Variants in RUNX1 observed in about 807,000 individuals in gnomAD.
RUNX1 encodes the protein runt-related transcription factor 1.
RUNX1 carries 19 observed loss-of-function variants against 42.8 expected under a neutral mutation model. That is an observed-to-expected ratio of 0.44 (90% confidence interval 0.31 to 0.65). The LOEUF (loss-of-function observed/expected upper bound fraction) is 0.65. Among genes scored for constraint, RUNX1 ranks in the 30% least tolerant of loss-of-function variants. The pLI, the probability that RUNX1 is intolerant of heterozygous loss-of-function variation, is 0.07. For synonymous variants in RUNX1, 271 were observed against 289.4 expected, an observed-to-expected ratio of 0.94 and a Z score of 0.64; for missense variants, 528 against 672.0, an observed-to-expected ratio of 0.79 and a Z score of 2.37.
intron 2 of RUNX1, among the ~76,000 whole-genome samples, chr21:35,046,492 A>T (rs1405065154): frequency 6.6e-6 from 1 of 152,222 alleles, no homozygotes; most frequent in Non-Finnish European, 1.5e-5. Context: ...AGGCAGCCAG[A>T]AGTGACCGCA....
rs77730926 is a variant in RUNX1 at position 34,947,935 on chromosome 21, G to C, written c.59-54972C>G. Among the ~76,000 whole-genome samples the C allele has an allele frequency of 3.6e-3, 551 of 152,178 alleles. 1 individual carries two copies. The highest frequency in any genetic ancestry group is 0.013 in the African/African-American group (535 of 41,502). On this transcript the variant is annotated intron_variant, in intron 2 of 8. Coordinates refer to ENST00000675419, the MANE Select transcript of RUNX1 (RefSeq NM_001754.5). ...TGCAGGCCTCTGAGTTCAGTCCTCCGAGGACATTTCACCTTCTTTGCTCTC... is the reference window on the plus strand; with the variant it reads ...TGCAGGCCTCTGAGTTCAGTCCTCCCAGGACATTTCACCTTCTTTGCTCTC...
intron 2 of RUNX1, among the ~76,000 whole-genome samples, chr21:34,980,815 G>A (rs145581542): frequency 2.2e-4 from 33 of 152,214 alleles, no homozygotes; most frequent in Non-Finnish European, 3.7e-4. Flanking sequence ...AAACTTACAT[G>A]GAAAAATGGA....
intron 2 of RUNX1, among the ~76,000 whole-genome samples, chr21:34,996,819 G>A (rs1346645731): frequency 6.6e-6 from 1 of 151,982 alleles, no homozygotes; most frequent in Non-Finnish European, 1.5e-5. Context: ...TTTACACTGT[G>A]AGGCCAAGAT....
intron 2 of RUNX1, among the ~76,000 whole-genome samples, chr21:34,972,056 CA>C (rs1431621842): frequency 1.3e-5 from 2 of 151,980 alleles, no homozygotes; most frequent in Non-Finnish European, 2.9e-5. Flanking sequence ...TTCAAGTTTA[CA>C]TGGCATTTTT....
intron 5 of RUNX1, among the ~76,000 whole-genome samples, chr21:34,864,780 T>C (rs945319153): frequency 1.2e-4 from 18 of 152,046 alleles, no homozygotes; most frequent in African/African-American, 4.3e-4. Context: ...TAGAAGACCA[T>C]TAGAAGCACC....
intron 2 of RUNX1, among the ~76,000 whole-genome samples, chr21:34,997,318 G>C (rs540916610): frequency 6.6e-6 from 1 of 152,250 alleles, no homozygotes; most frequent in South Asian, 2.1e-4. Flanking sequence ...TTTTCAAACT[G>C]AGTGCCTCAA....
rs570982900 is a variant in RUNX1, at chr21:34,794,154, TTAC to T, written c.968-1547_968-1545del. 1.0e-3 allele frequency among the ~76,000 whole-genome samples: 154 copies of T among 152,210 alleles called. 1 individual carries two copies. Among genetic ancestry groups the T allele is most frequent in the African/African-American group, 3.3e-3 (139 of 41,524 alleles). ...CTAATGTAAAGGATGCACAAATATG[TTAC>T]TACTAACACAATATGTTATACATAA... On this transcript the variant is annotated intron_variant, in intron 8 of 8. Transcript: ENST00000675419.
intron 3 of RUNX1, among the ~76,000 whole-genome samples, chr21:34,889,157 T>C (rs2058043945): frequency 6.8e-6 from 1 of 147,260 alleles, no homozygotes; most frequent in African/African-American, 2.5e-5. Flanking sequence ...CGAACCGGGC[T>C]GCAGCCCGCG....
At chr21:34,818,841 C>T (rs960036852) in intron 7 of RUNX1, among the ~76,000 whole-genome samples, 1 of 152,224 alleles carries the variant, frequency 6.6e-6, no homozygotes, top group Non-Finnish European at 1.5e-5. Context: ...GGTGGAGCAG[C>T]GTGCAGAGGC....
At chr21:34,797,377 C>A (rs1043295805) in intron 8 of RUNX1, among the ~76,000 whole-genome samples, 3 of 152,192 alleles carry the variant, frequency 2.0e-5, no homozygotes, top group African/African-American at 7.2e-5. Context: ...TTACTCATTC[C>A]TTTTATTTAA....
intron 6 of RUNX1, among the ~76,000 whole-genome samples, chr21:34,842,092 T>C (rs968076953): frequency 1.6e-4 from 25 of 152,194 alleles, no homozygotes; most frequent in African/African-American, 6.0e-4. Flanking sequence ...AGAAATCATT[T>C]CAGGTGAAGG....
At chr21:35,048,598 G>A (rs1329332295) in intron 2 of RUNX1, among the ~76,000 whole-genome samples, 4 of 152,174 alleles carry the variant, frequency 2.6e-5, no homozygotes, top group East Asian at 3.8e-4. Flanking sequence ...AAGTTCTCAC[G>A]CACCGACTGA....
intron 2 of RUNX1, among the ~76,000 whole-genome samples, chr21:35,045,449 T>C (rs770233871): frequency 3.9e-5 from 6 of 152,124 alleles, no homozygotes; most frequent in Non-Finnish European, 7.3e-5. Flanking sequence ...TATTTGGACA[T>C]AGGGTTTTAA....
At position 34,804,552 on chromosome 21, in the gene RUNX1, A is replaced by G. The variant is rs376677471; in HGVS notation, c.806-5090T>C. Among the ~76,000 whole-genome samples the G allele has an allele frequency of 7.9e-5, 12 of 152,296 alleles. 1 individual carries two copies. The East Asian group carries it at 1.3e-3, about 17-fold the overall frequency. On this transcript the variant is annotated intron_variant, in intron 7 of 8. Coordinates refer to ENST00000675419, the MANE Select transcript of RUNX1 (RefSeq NM_001754.5). ...AATCATGTTAAACTTTCAATAAAAA[A>G]TTACAAGAAAGGCAAGAAAAAAACA...
intron 8 of RUNX1, among the ~76,000 whole-genome samples, chr21:34,795,144 A>T (rs2056507424): frequency 6.6e-6 from 1 of 152,230 alleles, no homozygotes; most frequent in Non-Finnish European, 1.5e-5. Context: ...AATAACTCTT[A>T]AGCTCAGATG....
chr21:34,891,156 G>T (rs985489241), intron 3 of RUNX1, among the ~76,000 whole-genome samples: 12 of 152,238 alleles, frequency 7.9e-5, no homozygotes, highest in Non-Finnish European at 1.3e-4. Context: ...TCCCAGGAGG[G>T]AGTCAAGTTC....
intron 5 of RUNX1, among the ~76,000 whole-genome samples, chr21:34,877,274 T>A (rs952723928): frequency 3.3e-5 from 5 of 152,222 alleles, no homozygotes; most frequent in Admixed American, 1.3e-4. Context: ...TAAACTGATA[T>A]AAGCTGCTCA....
rs562705699 is a variant in RUNX1 at position 34,936,272 on chromosome 21, C to CT, written c.59-43310dup. On this transcript the variant is annotated intron_variant, in intron 2 of 8. Coordinates refer to ENST00000675419, the MANE Select transcript of RUNX1 (RefSeq NM_001754.5). ...TAACTACTTAGAATTCAGCCCCCCTCTTTTTTAAAAAAAAATAGCACTCTG... is the reference window on the plus strand; with the variant it reads ...TAACTACTTAGAATTCAGCCCCCCTCTTTTTTTAAAAAAAAATAGCACTCTG... 4.1e-5 allele frequency among the ~76,000 whole-genome samples: 6 copies of CT among 147,390 alleles called. No homozygotes were observed. The South Asian group carries it at 6.3e-4, about 16-fold the overall frequency.
At chr21:34,935,176 T>C (rs2058476050) in intron 2 of RUNX1, among the ~76,000 whole-genome samples, 1 of 152,204 alleles carries the variant, frequency 6.6e-6, no homozygotes, top group Admixed American at 6.5e-5. Context: ...TAGCTGATTC[T>C]AGTTGATGTG....
Sources: gnomAD v4.1 joint callset for allele counts (sites outside exome capture counted in the v4.1 genomes callset) on GRCh38, gnomAD v4.1.1 for gene constraint, MANE v1.5 for transcripts, NCBI Gene and HGNC (gene_info 2026-07-23, HGNC 2026-07-21) for gene names.